Variants in GALNT18 observed in about 807,000 individuals in gnomAD.
GALNT18 encodes GalNAc-transferase 18.
Under a neutral mutation model 69.5 loss-of-function variants are expected in GALNT18, and 44 were observed. That is an observed-to-expected ratio of 0.63 (90% confidence interval 0.50 to 0.81). The LOEUF is 0.81. GALNT18 is among the 40% of genes least tolerant of loss of function. GALNT18 has a pLI of 0.00. For synonymous variants in GALNT18, 364 were observed against 318.2 expected, an observed-to-expected ratio of 1.14 and a Z score of -1.53; for missense variants, 715 against 810.0, an observed-to-expected ratio of 0.88 and a Z score of 1.42.
intron 8 of GALNT18, among the ~76,000 whole-genome samples, chr11:11,327,479 T>C (rs1400398453): frequency 2.0e-5 from 3 of 152,232 alleles, no homozygotes; most frequent in Non-Finnish European, 4.4e-5. Context: ...GCCCCTCCAC[T>C]TCCTCAGGGG....
intron 8 of GALNT18, among the ~76,000 whole-genome samples, chr11:11,328,501 A>T (rs760801759): frequency 1.3e-4 from 20 of 152,144 alleles, no homozygotes; most frequent in Non-Finnish European, 2.8e-4. Context: ...CATGAGATGG[A>T]GCCGATAACC....
chr11:11,295,439 G>A (rs947469814), intron 9 of GALNT18, among the ~76,000 whole-genome samples: 1 of 150,678 alleles, frequency 6.6e-6, no homozygotes, highest in African/African-American at 2.5e-5. Flanking sequence ...GCTGTCACCA[G>A]AACGTGTAAG....
At chr11:11,365,466 T>C (rs766482439) in intron 6 of GALNT18, among the ~76,000 whole-genome samples, 13 of 152,364 alleles carry the variant, frequency 8.5e-5, no homozygotes, top group African/African-American at 2.2e-4. Flanking sequence ...TACATGTACA[T>C]GAGTCTTTAT....
rs966683571 is a variant in GALNT18, at chr11:11,332,435, C to G, written c.1416+259G>C. On this transcript the variant is annotated intron_variant, in intron 8 of 10. Transcript: ENST00000227756. The surrounding 1 kb of genome is among the most constrained non-coding windows in gnomAD (Gnocchi z 4.3). ...CTGCTTTATTATGTGTTTTATTAAG[C>G]GGAATATGCAGGTGTGGGGCCAGAG... Among the ~76,000 whole-genome samples, 9 of 152,058 alleles carry G rather than the reference C, an allele frequency of 5.9e-5. No individual in the cohort carries two copies. Among genetic ancestry groups the G allele is most frequent in the Admixed American group, 2.0e-4 (3 of 15,274 alleles).
rs536731251 is a variant in GALNT18, at chr11:11,558,254, T to C, written c.235+63105A>G. Among the ~76,000 whole-genome samples, 5 of 152,296 alleles carry C rather than the reference T, an allele frequency of 3.3e-5. No homozygotes were observed. In the South Asian group the frequency reaches 6.2e-4, roughly 19 times the overall value. On this transcript the variant is annotated intron_variant, in intron 1 of 10. Coordinates refer to ENST00000227756, the MANE Select transcript of GALNT18 (RefSeq NM_198516.3). ...TACTCTTAATGTGGTAGGGTTTTTT[T>C]CTCCCCCTCTGAAAAATGATGATTA...
intron 10 of GALNT18, among the ~76,000 whole-genome samples, chr11:11,284,271 C>T (rs975530442): frequency 6.6e-6 from 1 of 152,188 alleles, no homozygotes; most frequent in African/African-American, 2.4e-5. Flanking sequence ...TCTGTGGTGC[C>T]TACGTGTGGT....
chr11:11,335,883 C>T (rs1298334042), intron 7 of GALNT18, among the ~76,000 whole-genome samples: 1 of 152,162 alleles, frequency 6.6e-6, no homozygotes, highest in African/African-American at 2.4e-5. Context: ...CTGGAGGGAG[C>T]ACAGCTCTGC....
chr11:11,478,800 C>G (rs1856458142), intron 1 of GALNT18, among the ~76,000 whole-genome samples: 1 of 150,342 alleles, frequency 6.7e-6, no homozygotes, highest in African/African-American at 2.5e-5. Flanking sequence ...AGCCGCGTTT[C>G]TCAATTGGCT....
At chr11:11,293,779 A>G (rs774679064) in intron 9 of GALNT18, among the ~76,000 whole-genome samples, 8 of 152,064 alleles carry the variant, frequency 5.3e-5, no homozygotes, top group Non-Finnish European at 1.0e-4. Flanking sequence ...TGACCTCGTG[A>G]TCTGCCTGCC....
intron 3 of GALNT18, among the ~76,000 whole-genome samples, chr11:11,409,740 A>G (rs544387336): frequency 1.3e-5 from 2 of 152,194 alleles, no homozygotes; most frequent in Admixed American, 1.3e-4. Flanking sequence ...TCCCCAAATT[A>G]CTATGTGAGT....
chr11:11,358,714 C>T lies in GALNT18; in HGVS notation c.1092+13801G>A, dbSNP rs1850581490. On this transcript the variant is annotated intron_variant, in intron 6 of 10. Transcript: ENST00000227756. ...CTTACACCACCATACAACTGTCAGC[C>T]TTCTCTAGGTGTTACCCCACCACAG... 6.5e-5 allele frequency among the ~76,000 whole-genome samples: 9 copies of T among 138,754 alleles called. 1 individual carries two copies. The South Asian group carries it at 2.0e-3, about 31-fold the overall frequency. 91.0% of individuals were successfully genotyped at this position (138,754 alleles called of 152,430 possible).
At chr11:11,310,434 G>A (rs1849651108) in intron 9 of GALNT18, among the ~76,000 whole-genome samples, 2 of 152,180 alleles carry the variant, frequency 1.3e-5, no homozygotes, top group Admixed American at 1.3e-4. Flanking sequence ...GAATGACCCA[G>A]CATATTCCAA....
chr11:11,577,639 A>ATGG (rs1464471020), intron 1 of GALNT18, among the ~76,000 whole-genome samples: 1 of 152,212 alleles, frequency 6.6e-6, no homozygotes, highest in Non-Finnish European at 1.5e-5. Context: ...ACAGAATCCT[A>ATGG]GGCTCAACAC....
At chr11:11,373,772 G>A (rs1015443726) in intron 5 of GALNT18, among the ~76,000 whole-genome samples, 7 of 152,214 alleles carry the variant, frequency 4.6e-5, no homozygotes, top group Non-Finnish European at 1.0e-4. Context: ...GTGAGAGCAC[G>A]GGGCTACTTC....
chr11:11,495,577 T>A (rs1272197989), intron 1 of GALNT18, among the ~76,000 whole-genome samples: 1 of 152,222 alleles, frequency 6.6e-6, no homozygotes, highest in Non-Finnish European at 1.5e-5. Flanking sequence ...GAAGTAGTTA[T>A]GACAGAAAGT....
In GALNT18 at chr11:11,469,680, G is replaced by T. The variant is rs187603702; in HGVS notation, c.236-20744C>A. Among the ~76,000 whole-genome samples the T allele has an allele frequency of 6.6e-6, 1 of 152,334 alleles. No individual in the cohort carries two copies. Among genetic ancestry groups the T allele is most frequent in the Admixed American group, 6.5e-5 (1 of 15,302 alleles). Reference sequence around the variant, plus strand: ...TGAGGGTCTCAGGGCTGGCTACATGGACGGTGTTAAGCAGATTTGCTAAAA... The same window carrying T: ...TGAGGGTCTCAGGGCTGGCTACATGTACGGTGTTAAGCAGATTTGCTAAAA... On this transcript the variant is annotated intron_variant, in intron 1 of 10. Transcript: ENST00000227756. The surrounding 1 kb of genome is among the most constrained non-coding windows in gnomAD (Gnocchi z 4.2).
intron 10 of GALNT18, among the ~76,000 whole-genome samples, chr11:11,284,856 T>G (rs1039138202): frequency 2.0e-5 from 3 of 151,300 alleles, no homozygotes; most frequent in Admixed American, 6.6e-5. Flanking sequence ...AGTTAAGTGG[T>G]CTTTTTGTAT....
At chr11:11,503,333 C>A (rs1012379633) in intron 1 of GALNT18, among the ~76,000 whole-genome samples, 1 of 152,172 alleles carries the variant, frequency 6.6e-6, no homozygotes, top group Non-Finnish European at 1.5e-5. Context: ...ATGTGGGCTG[C>A]TATGAAGCCT....
chr11:11,376,108 C>T (rs560404604), intron 5 of GALNT18, among the ~76,000 whole-genome samples: 50 of 152,186 alleles, frequency 3.3e-4, no homozygotes, highest in South Asian at 1.5e-3. Context: ...ATAGGCCAGG[C>T]GCAGTGGCTC....
Sources: allele counts gnomAD v4.1 joint callset (sites outside exome capture counted in the v4.1 genomes callset), GRCh38; gene constraint gnomAD v4.1.1; non-coding constraint Gnocchi (gnomAD v3.1); transcripts MANE v1.5; gene names NCBI Gene and HGNC (gene_info 2026-07-23, HGNC 2026-07-21).